SLC24A2: variants seen among roughly 807,000 people sequenced by gnomAD.
SLC24A2 encodes the protein sodium/potassium/calcium exchanger 2.
A neutral mutation model predicts 62.0 loss-of-function variants in SLC24A2; 36 were observed. The observed-to-expected ratio is 0.58, with a 90% CI of 0.44 to 0.77. SLC24A2 has a LOEUF of 0.77. SLC24A2 is among the 30% of genes least tolerant of loss of function. SLC24A2 has a pLI of 0.00. For synonymous variants in SLC24A2, 358 were observed against 294.0 expected, an observed-to-expected ratio of 1.22 and a Z score of -2.23; for missense variants, 846 against 817.9, an observed-to-expected ratio of 1.03 and a Z score of -0.42.
At chr9:19,890,906 AT>A in the SLC24A2 span, among the ~76,000 whole-genome samples, 672 of 152,130 alleles carry the variant, frequency 4.4e-3, 3 homozygotes, top group African/African-American at 8.4e-3. Flanking sequence ...CTCACTCGAC[AT>A]TTTTTTCCAC....
At chr9:20,051,310 T>G in the SLC24A2 span, among the ~76,000 whole-genome samples, 1 of 152,158 alleles carries the variant, frequency 6.6e-6, no homozygotes, top group Admixed American at 6.5e-5. Context: ...TTATTCAGAC[T>G]AACTTTTGGT....
the SLC24A2 span, among the ~76,000 whole-genome samples, chr9:19,963,284 A>T: frequency 3.3e-5 from 5 of 149,436 alleles, no homozygotes; most frequent in African/African-American, 7.4e-5. Context: ...AACCTAGGCA[A>T]TACCATTCAG....
intron 2 of SLC24A2, among the ~76,000 whole-genome samples, chr9:19,725,735 G>A (rs576064925): frequency 1.6e-4 from 25 of 152,260 alleles, no homozygotes; most frequent in African/African-American, 6.0e-4. Flanking sequence ...AATTTGGTGA[G>A]AATAGTTTAC....
At chr9:20,038,804 G>T in the SLC24A2 span, among the ~76,000 whole-genome samples, 1 of 152,112 alleles carries the variant, frequency 6.6e-6, no homozygotes, top group Non-Finnish European at 1.5e-5. Flanking sequence ...GATAATAGAA[G>T]GAGTAAAACC....
the SLC24A2 span, among the ~76,000 whole-genome samples, chr9:19,855,698 T>C: frequency 6.6e-6 from 1 of 152,148 alleles, no homozygotes; most frequent in Non-Finnish European, 1.5e-5. Flanking sequence ...GTGTCCTGCC[T>C]TTCTCTCTGG....
At chr9:19,985,470 G>T in the SLC24A2 span, among the ~76,000 whole-genome samples, 2 of 152,080 alleles carry the variant, frequency 1.3e-5, no homozygotes, top group Non-Finnish European at 2.9e-5. Context: ...AAATGAAACA[G>T]CCAGACACAA....
the SLC24A2 span, among the ~76,000 whole-genome samples, chr9:20,048,985 G>C: frequency 1.3e-5 from 2 of 151,626 alleles, no homozygotes; most frequent in African/African-American, 4.8e-5. Flanking sequence ...ACAACGTGCA[G>C]GTTTGTTACA....
chr9:19,567,175 A>T (rs952931851), intron 7 of SLC24A2, among the ~76,000 whole-genome samples: 37 of 101,744 alleles, frequency 3.6e-4, no homozygotes, highest in African/African-American at 2.2e-3. Context: ...AAGAATCTGG[A>T]AAAAAAAAAA....
intron 2 of SLC24A2, among the ~76,000 whole-genome samples, chr9:19,685,505 A>C (rs1453506177): frequency 6.6e-6 from 1 of 152,162 alleles, no homozygotes; most frequent in Non-Finnish European, 1.5e-5. Context: ...ATCTAACTTC[A>C]AACTATACTA....
At chr9:20,037,460 C>G in the SLC24A2 span, among the ~76,000 whole-genome samples, 9 of 152,224 alleles carry the variant, frequency 5.9e-5, no homozygotes, top group Admixed American at 5.2e-4. Context: ...TAGGTTGATT[C>G]TATAACTCAG....
Position 19,673,444 on chromosome 9 carries a change from C to CGTGTGTGTGT in SLC24A2, c.931-51155_931-51146dup, listed in dbSNP as rs58616827. On this transcript the variant is annotated intron_variant, in intron 2 of 10. Transcript: ENST00000341998. ...GTTCTTGTGTGTGTATGTGTGTGTG[C>CGTGTGTGTGT]GTGTGTGTGTGTGTGTGTGTTTGAG... Among the ~76,000 whole-genome samples, 56 of 129,882 alleles carry CGTGTGTGTGT rather than the reference C, an allele frequency of 4.3e-4. 1 individual carries two copies. The East Asian group carries it at 7.3e-3, about 17-fold the overall frequency. 85.2% of individuals were successfully genotyped at this position (129,882 alleles called of 152,430 possible).
chr9:19,837,437 C>G, the SLC24A2 span, among the ~76,000 whole-genome samples: 1 of 111,492 alleles, frequency 9.0e-6, no homozygotes, highest in African/African-American at 3.4e-5. Flanking sequence ...CCGGCCTGGG[C>G]GACAGAGCGA....
intron 2 of SLC24A2, among the ~76,000 whole-genome samples, chr9:19,722,893 G>A (rs1178287214): frequency 6.6e-6 from 1 of 152,096 alleles, no homozygotes; most frequent in Non-Finnish European, 1.5e-5. Context: ...GGTGAAGCTC[G>A]TATGGAAAGA....
chr9:19,966,748 A>G, the SLC24A2 span, among the ~76,000 whole-genome samples: 1 of 152,216 alleles, frequency 6.6e-6, no homozygotes, highest in Non-Finnish European at 1.5e-5. Flanking sequence ...AACCCAAACA[A>G]AAAGTAGATA....
chr9:20,080,650 T>A, the SLC24A2 span, among the ~76,000 whole-genome samples: 3 of 152,092 alleles, frequency 2.0e-5, no homozygotes, highest in Non-Finnish European at 4.4e-5. Context: ...ACAAAAGAGC[T>A]TCTGCACAGC....
intron 2 of SLC24A2, among the ~76,000 whole-genome samples, chr9:19,639,729 C>A (rs968230563): frequency 2.0e-5 from 3 of 152,210 alleles, no homozygotes; most frequent in African/African-American, 7.2e-5. Flanking sequence ...CATAGGGAAA[C>A]TGAGACAGAC....
chr9:20,023,104 T>A, the SLC24A2 span, among the ~76,000 whole-genome samples: 1 of 152,212 alleles, frequency 6.6e-6, no homozygotes, highest in Non-Finnish European at 1.5e-5. Context: ...GAAAAATTGG[T>A]CCACTCAGTC....
intron 5 of SLC24A2, among the ~76,000 whole-genome samples, chr9:19,578,723 C>T (rs192133096): frequency 6.6e-6 from 1 of 152,276 alleles, no homozygotes; most frequent in Admixed American, 6.5e-5. Flanking sequence ...GGTTTGGAAT[C>T]ATGGCGTGTG....
chr9:20,174,698 T>C, the SLC24A2 span, among the ~76,000 whole-genome samples: 5 of 151,762 alleles, frequency 3.3e-5, no homozygotes, highest in Non-Finnish European at 4.4e-5. Context: ...AATTAAAAAA[T>C]AATAGATGTT....
Sources: gnomAD v4.1 joint callset for allele counts (sites outside exome capture counted in the v4.1 genomes callset) on GRCh38, gnomAD v4.1.1 for gene constraint, MANE v1.5 for transcripts, NCBI Gene and HGNC (gene_info 2026-07-23, HGNC 2026-07-21) for gene names.